The following PRKX variants were observed in gnomAD, a reference collection of about 807,000 sequenced individuals.
PRKX encodes cAMP-dependent protein kinase catalytic subunit PRKX.
A neutral mutation model predicts 22.0 loss-of-function variants in PRKX; 12 were observed. The ratio of observed to expected loss-of-function variants is 0.54; its 90% confidence interval spans 0.35 to 0.88. The LOEUF (loss-of-function observed/expected upper bound fraction) is 0.88, where lower values mean the gene tolerates loss of function less well. Among genes scored for constraint, PRKX ranks in the 40% least tolerant of loss-of-function variants. The pLI is 0.01. For synonymous variants in PRKX, 134 were observed against 137.7 expected (o/e 0.97, Z 0.19); for missense variants, 217 against 308.0 (o/e 0.70, Z 2.21).
At chrX:3,651,089 C>T (rs1603474052) in intron 3 of PRKX, among the ~76,000 whole-genome samples, 1 of 105,739 alleles carries the variant, frequency 9.5e-6, no homozygotes, top group African/African-American at 3.5e-5. Context: ...AGAGATGCTT[C>T]GTTACAATGA....
At chrX:3,681,656 A>ATTTTTTTTTT (rs1396196380) in intron 1 of PRKX, among the ~76,000 whole-genome samples, 3 of 91,773 alleles carry the variant, frequency 3.3e-5, no homozygotes, top group Admixed American at 1.1e-4. Context: ...CTCAAAAAAA[A>ATTTTTTTTTT]ATTTTTTTTA....
intron 2 of PRKX, among the ~76,000 whole-genome samples, chrX:3,670,782 G>C (rs1927832102): frequency 9.0e-6 from 1 of 110,589 alleles, no homozygotes. Flanking sequence ...TGGGTGCAAG[G>C]GACACTCCCA....
At chrX:3,650,254 G>A (rs1462248147) in intron 3 of PRKX, among the ~76,000 whole-genome samples, 3 of 111,705 alleles carry the variant, frequency 2.7e-5, no homozygotes, top group South Asian at 3.8e-4. Context: ...GGGCACGGTG[G>A]CTCACGCCTG....
At chrX:3,709,879 C>T (rs1227320915) in intron 1 of PRKX, among the ~76,000 whole-genome samples, 1 of 110,490 alleles carries the variant, frequency 9.1e-6, no homozygotes, top group Non-Finnish European at 1.9e-5. Flanking sequence ...GCCTTGACCT[C>T]CTGGGCTCAA....
intron 1 of PRKX, among the ~76,000 whole-genome samples, chrX:3,690,610 T>C (rs913520494): frequency 4.5e-5 from 5 of 111,518 alleles, no homozygotes; most frequent in Non-Finnish European, 7.5e-5. Context: ...CATGCGACTA[T>C]AGTCCCAGCT....
At chrX:3,640,472 G>C (rs62583666) in intron 4 of PRKX, among the ~76,000 whole-genome samples, 17 of 111,522 alleles carry the variant, frequency 1.5e-4, no homozygotes, top group African/African-American at 4.9e-4. Flanking sequence ...CAAGTGTTGC[G>C]TGCTTCCTTT....
At chrX:3,677,624 T>C (rs1182899194) in intron 1 of PRKX, among the ~76,000 whole-genome samples, 2 of 112,000 alleles carry the variant, frequency 1.8e-5, no homozygotes, top group Non-Finnish European at 3.8e-5. Flanking sequence ...AAAGAAAAAG[T>C]TGTACTTAAG....
chrX:3,704,556 C>A (rs2146614061), intron 1 of PRKX, among the ~76,000 whole-genome samples: 1 of 111,183 alleles, frequency 9.0e-6, no homozygotes, highest in Admixed American at 9.6e-5. Flanking sequence ...AGTCCCAGCT[C>A]CTCAGGAGGC....
chrX:3,693,518 G>A (rs941779460), intron 1 of PRKX, among the ~76,000 whole-genome samples: 1 of 110,954 alleles, frequency 9.0e-6, no homozygotes, highest in East Asian at 2.8e-4. Flanking sequence ...GGAAGAAGGG[G>A]ACACATTTCA....
At chrX:3,704,884 G>A (rs1165490399) in intron 1 of PRKX, among the ~76,000 whole-genome samples, 2 of 111,773 alleles carry the variant, frequency 1.8e-5, no homozygotes, top group African/African-American at 3.2e-5. Flanking sequence ...TGTGTGACTC[G>A]TGCTGCAGTG....
chrX:3,653,411 G>A (rs1157988971), intron 3 of PRKX, among the ~76,000 whole-genome samples: 1 of 109,476 alleles, frequency 9.1e-6, no homozygotes, highest in African/African-American at 3.3e-5. Context: ...CCCAGTCTAT[G>A]AGTGTGTGTT....
intron 3 of PRKX, among the ~76,000 whole-genome samples, chrX:3,642,686 C>T (rs1927104429): frequency 9.2e-6 from 1 of 108,831 alleles, no homozygotes. Context: ...AAAAAAGTGG[C>T]AGTGAAAAGA....
At chrX:3,613,782 G>A (rs1223627672) in intron 7 of PRKX, among the ~76,000 whole-genome samples, 1 of 99,057 alleles carries the variant, frequency 1.0e-5, no homozygotes, top group Non-Finnish European at 2.0e-5. Flanking sequence ...CCAAGAGGTG[G>A]AGGTTGCAGT....
intron 1 of PRKX, among the ~76,000 whole-genome samples, chrX:3,680,692 A>G (rs1928054264): frequency 8.9e-6 from 1 of 112,089 alleles, no homozygotes; most frequent in South Asian, 3.7e-4. Flanking sequence ...GTGAATCACC[A>G]TGACCATGGA....
chrX:3,691,823 T>G (rs113578264), intron 1 of PRKX, among the ~76,000 whole-genome samples: 1,430 of 104,546 alleles, frequency 0.014, 23 homozygotes, highest in African/African-American at 0.047. Flanking sequence ...ATGGGTATGA[T>G]AGACAGATAG....
chrX:3,675,111 C>T (rs1283817013), intron 1 of PRKX, among the ~76,000 whole-genome samples: 1 of 111,661 alleles, frequency 9.0e-6, no homozygotes, highest in Non-Finnish European at 1.9e-5. Context: ...CCCCACACAC[C>T]CACATGGAGA....
intron 3 of PRKX, among the ~76,000 whole-genome samples, chrX:3,649,044 G>C (rs1029196626): frequency 4.5e-5 from 5 of 111,890 alleles, no homozygotes; most frequent in African/African-American, 1.6e-4. Flanking sequence ...GATGTATAAA[G>C]GTTGAGCATC....
intron 2 of PRKX, among the ~76,000 whole-genome samples, chrX:3,656,031 CAAAT>C (rs781023895): frequency 9.2e-6 from 1 of 109,066 alleles, no homozygotes; most frequent in East Asian, 2.9e-4. Context: ...TGGGCATAGA[CAAAT>C]AAAATACAGA....
At chrX:3,679,584 C>A (rs1414134072) in intron 1 of PRKX, among the ~76,000 whole-genome samples, 1 of 109,556 alleles carries the variant, frequency 9.1e-6, no homozygotes, top group Non-Finnish European at 1.9e-5. Context: ...CAGGCTTGAT[C>A]CTCCTTGGGG....
Sources: gnomAD v4.1 joint callset for allele counts (sites outside exome capture counted in the v4.1 genomes callset) on GRCh38, gnomAD v4.1.1 for gene constraint, MANE v1.5 for transcripts, NCBI Gene and HGNC (gene_info 2026-07-23, HGNC 2026-07-21) for gene names.